Variants in MVB12B observed in about 807,000 individuals in gnomAD.
MVB12B encodes the protein ESCRT-I complex subunit MVB12B.
In MVB12B, 16 loss-of-function variants were observed where a neutral mutation model predicts 41.6. The ratio of observed to expected loss-of-function variants is 0.38; its 90% CI spans 0.26 to 0.58. MVB12B has a LOEUF of 0.58. Among genes scored for constraint, MVB12B ranks in the 20% least tolerant of loss-of-function variants. The pLI is 0.62. For missense variants in MVB12B, 274 were observed against 380.2 expected, an observed-to-expected ratio of 0.72 and a Z score of 2.32; for synonymous variants, 133 against 139.7, an observed-to-expected ratio of 0.95 and a Z score of 0.34.
chr9:126,396,479 A>G (rs1831116246), intron 6 of MVB12B: 1 of 985,502 alleles, frequency 1.0e-6, no homozygotes, highest in South Asian at 4.7e-5. Context: ...TGGATCTCCA[A>G]GCTTCCACGT....
intron 2 of MVB12B, among the ~76,000 whole-genome samples, chr9:126,355,612 G>A (rs1321990674): frequency 6.6e-6 from 1 of 152,184 alleles, no homozygotes; most frequent in Non-Finnish European, 1.5e-5. Flanking sequence ...AAGAAATCTT[G>A]TTGTCGGGTG....
intron 7 of MVB12B, among the ~76,000 whole-genome samples, chr9:126,456,444 A>C (rs936897082): frequency 6.6e-6 from 1 of 152,228 alleles, no homozygotes; most frequent in Admixed American, 6.5e-5. Context: ...AAATAAATTT[A>C]TATGTTACAT....
chr9:126,335,910 C>T (rs1010546486), intron 1 of MVB12B, among the ~76,000 whole-genome samples: 3 of 152,198 alleles, frequency 2.0e-5, no homozygotes, highest in African/African-American at 2.4e-5. Context: ...GCCTGCCCCC[C>T]GTTAATACTT....
chr9:126,444,669 C>T (rs1033513983), intron 7 of MVB12B, among the ~76,000 whole-genome samples: 9 of 152,156 alleles, frequency 5.9e-5, no homozygotes, highest in South Asian at 4.2e-4. Context: ...TTTGCCATCA[C>T]GTTTTAGAAA....
intron 7 of MVB12B, among the ~76,000 whole-genome samples, chr9:126,453,719 A>T (rs980335632): frequency 1.1e-4 from 16 of 152,174 alleles, no homozygotes; most frequent in Middle Eastern, 3.2e-3. Context: ...CGTGTGGCAC[A>T]CTCTCACGTG....
At chr9:126,501,263 G>A (rs1833950032) in intron 9 of MVB12B, among the ~76,000 whole-genome samples, 1 of 152,182 alleles carries the variant, frequency 6.6e-6, no homozygotes. Context: ...AGGGCGCGGC[G>A]GGCCCTGATC....
intron 7 of MVB12B, among the ~76,000 whole-genome samples, chr9:126,460,314 T>A (rs1370275894): frequency 2.0e-5 from 3 of 152,090 alleles, no homozygotes. Flanking sequence ...AGTGTCTCCA[T>A]CTGAAAAAGG....
intron 2 of MVB12B, among the ~76,000 whole-genome samples, chr9:126,356,350 C>T (rs1329795515): frequency 1.3e-5 from 2 of 152,242 alleles, no homozygotes; most frequent in South Asian, 4.1e-4. Context: ...TGTTTTGGTA[C>T]TTCTTAGTTA....
intron 2 of MVB12B, among the ~76,000 whole-genome samples, chr9:126,346,527 T>C (rs1467360068): frequency 1.3e-5 from 2 of 152,034 alleles, no homozygotes; most frequent in African/African-American, 4.8e-5. Context: ...TTGAACACCT[T>C]GAGTTTGAGC....
chr9:126,462,960 GAC>G (rs1833119550), intron 7 of MVB12B, among the ~76,000 whole-genome samples: 1 of 152,216 alleles, frequency 6.6e-6, no homozygotes, highest in Non-Finnish European at 1.5e-5. Context: ...CTGCCTCATA[GAC>G]ACAGCAACCA....
At position 126,505,966 on chromosome 9, in the gene MVB12B, C is replaced by T. The variant is rs780324797; in HGVS notation, c.*2703C>T. 6.6e-6 allele frequency: 1 copy of T among 152,278 alleles called. No individual in the cohort carries two copies. The highest frequency in any genetic ancestry group is 1.5e-5 in the Non-Finnish European group (1 of 68,150). 9.4% of individuals were successfully genotyped at this position (152,278 alleles called of 1,614,324 possible). ...GCCTCTGTCCCTCCAGAACGGCTAA[C>T]CAGAGCACACTGTCCCCACCGCCTC... On this transcript the variant is annotated 3_prime_UTR_variant, in exon 10 of 10. Coordinates refer to ENST00000361171, the MANE Select transcript of MVB12B (RefSeq NM_033446.3).
Position 126,413,818 on chromosome 9 carries a change from T to TTGTGTGTGTGTGTG in MVB12B, c.663-8014_663-8001dup, listed in dbSNP as rs34089808. On this transcript the variant is annotated intron_variant, in intron 6 of 9. Coordinates refer to ENST00000361171, the MANE Select transcript of MVB12B (RefSeq NM_033446.3). ...TCTGGAATCCTGTGAACCCCATTGG[T>TTGTGTGTGTGTGTG]TGTGTGTGTGTGTGTGTGTGTGTGT... is the stretch of plus-strand genomic sequence containing the variant. Among the ~76,000 whole-genome samples the TTGTGTGTGTGTGTG allele has an allele frequency of 8.3e-3, 908 of 109,456 alleles. 4 individuals carry two copies. Among genetic ancestry groups the TTGTGTGTGTGTGTG allele is most frequent in the East Asian group, 0.019 (69 of 3,678 alleles). 71.8% of individuals were successfully genotyped at this position (109,456 alleles called of 152,430 possible).
intron 2 of MVB12B, among the ~76,000 whole-genome samples, chr9:126,368,303 C>T (rs910168244): frequency 1.3e-5 from 2 of 152,128 alleles, no homozygotes; most frequent in African/African-American, 2.4e-5. Flanking sequence ...GTATCAAGGC[C>T]CATGTTTTAA....
Position 126,483,995 on chromosome 9 carries a change from G to C in MVB12B, c.836G>C (p.Gly279Ala). 6.2e-7 allele frequency: 1 copy of C among 1,614,060 alleles called. No individual in the cohort carries two copies. The highest frequency in any genetic ancestry group is 8.5e-7 in the Non-Finnish European group (1 of 1,180,018). ...CAGATGCAGCCCTTTGATCTCCTGG[G>C]AATCACCATCAAATCTCTAGCAGAA... ...PESMQPFDLL[G>A]ITIKSLAEIE... is the part of the protein sequence containing the mutation. Residue 279 changes from glycine (G) to alanine (A), a missense_variant, in exon 9 of 10, where the codon GGA (glycine) becomes GCA (alanine). By Grantham distance (60) the Gly-to-Ala change is moderately conservative. Transcript: ENST00000361171.
chr9:126,397,249 G>C, intron 6 of MVB12B: 1 of 985,492 alleles, frequency 1.0e-6, no homozygotes. Flanking sequence ...TTGACTTTCT[G>C]TGGTTAAAGA....
At chr9:126,488,548 A>C (rs543534805) in intron 9 of MVB12B, among the ~76,000 whole-genome samples, 1 of 152,004 alleles carries the variant, frequency 6.6e-6, no homozygotes, top group South Asian at 2.1e-4. Context: ...ATCCCTCTGC[A>C]CCACGTGGGA....
chr9:126,376,421 C>T lies in MVB12B; in HGVS notation c.205-4643C>T. On this transcript the variant is annotated intron_variant, in intron 2 of 9. Transcript: ENST00000361171. This position sits in a 1 kb window ranked among gnomAD's most constrained non-coding sequence, Gnocchi z 4.1. ...GAGCCTGTCCCCAGTGCCTGGTGAC[C>T]CTTTGTTGTGGGTTGGGATTTAAGA... 1 of 1,014,362 alleles carries T rather than the reference C, an allele frequency of 9.9e-7. No homozygotes were observed. The highest frequency in any genetic ancestry group is 1.6e-5 in the African/African-American group (1 of 60,698). 62.8% of individuals were successfully genotyped at this position (1,014,362 alleles called of 1,614,324 possible).
At chr9:126,330,842 G>A (rs921562085) in intron 1 of MVB12B, among the ~76,000 whole-genome samples, 5 of 152,076 alleles carry the variant, frequency 3.3e-5, no homozygotes, top group African/African-American at 1.2e-4. Context: ...CAAACTGTGT[G>A]ATCCTAGTGG....
intron 7 of MVB12B, among the ~76,000 whole-genome samples, chr9:126,463,204 G>A (rs915096333): frequency 1.1e-4 from 17 of 152,114 alleles, no homozygotes; most frequent in Admixed American, 2.6e-4. Flanking sequence ...ACACCTCTGC[G>A]TAGGTTGGTG....
Sources: gnomAD v4.1 joint callset for allele counts (sites outside exome capture counted in the v4.1 genomes callset) on GRCh38, gnomAD v4.1.1 for gene constraint, Gnocchi (gnomAD v3.1) non-coding constraint, MANE v1.5 for transcripts, NCBI Gene and HGNC (gene_info 2026-07-23, HGNC 2026-07-21) for gene names.